CALD1: variants seen among roughly 807,000 people sequenced by gnomAD.
The protein encoded by CALD1 is caldesmon.
Under a neutral mutation model 99.9 loss-of-function variants are expected in CALD1, and 33 were observed. The observed-to-expected ratio is 0.33, with a 90% confidence interval of 0.25 to 0.44. CALD1 has a LOEUF of 0.44. Ranked by LOEUF, CALD1 falls within the 20% of genes least tolerant of loss-of-function variation. CALD1 has a pLI of 1.00. For missense variants in CALD1, 861 were observed against 962.1 expected (o/e 0.89, Z 1.39); for synonymous variants, 310 against 325.0 (o/e 0.95, Z 0.50).
chr7:134,813,272 G>A (rs1326955853), intron 1 of CALD1, among the ~76,000 whole-genome samples: 2 of 152,218 alleles, frequency 1.3e-5, no homozygotes, highest in African/African-American at 4.8e-5. Flanking sequence ...AAGAGGGGCA[G>A]AGGATTGGAA....
intron 1 of CALD1, among the ~76,000 whole-genome samples, chr7:134,788,170 A>C (rs1797379700): frequency 6.6e-6 from 1 of 152,220 alleles, no homozygotes; most frequent in Admixed American, 6.5e-5. Context: ...ATGAAGAGCC[A>C]AGATAATAAA....
intron 9 of CALD1, among the ~76,000 whole-genome samples, 156 bp from the exon 10 acceptor site, chr7:134,957,913 T>A (rs894004830): frequency 2.0e-5 from 3 of 152,146 alleles, no homozygotes; most frequent in Non-Finnish European, 4.4e-5. Flanking sequence ...TTATATGTAG[T>A]TTTGCTTTCT....
chr7:134,749,601 G>A (rs1354366964), intron 1 of CALD1, among the ~76,000 whole-genome samples: 2 of 152,012 alleles, frequency 1.3e-5, no homozygotes, highest in Non-Finnish European at 2.9e-5. Flanking sequence ...CAAAAAGAGC[G>A]AAAAAAAGCA....
At chr7:134,774,131 C>T (rs1796899342) in intron 1 of CALD1, among the ~76,000 whole-genome samples, 1 of 150,514 alleles carries the variant, frequency 6.6e-6, no homozygotes, top group Non-Finnish European at 1.5e-5. Context: ...CATGGTGCCA[C>T]TGCACTCCAG....
rs117624269 is a variant in CALD1, at chr7:134,838,818, G to A, written c.-129-5066G>A. On this transcript the variant is annotated intron_variant, in intron 1 of 14. Transcript: ENST00000361675. ...CTGGTACAATGTATGACAAGAGATA[G>A]TGAACTTTCCTGATTTTATATATTT... Among the ~76,000 whole-genome samples, 786 of 152,244 alleles carry A rather than the reference G, an allele frequency of 5.2e-3. 5 individuals are homozygous for A. The highest frequency in any genetic ancestry group is 7.7e-3 in the Non-Finnish European group (527 of 68,020).
At chr7:134,859,646 A>C (rs1800476469) in intron 2 of CALD1, among the ~76,000 whole-genome samples, 1 of 152,224 alleles carries the variant, frequency 6.6e-6, no homozygotes, top group African/African-American at 2.4e-5. Flanking sequence ...AAAGCTTTAT[A>C]TGTCTCAGTC....
rs1485231280 is a variant in CALD1, at chr7:134,930,449, T to C, written c.218+1549T>C. ...ATGTGGTTTTGGTTTTAGTTTGTTT[T>C]GTTTAATTCAGTCTATTTAGAAAAT... On this transcript the variant is annotated intron_variant, in intron 4 of 14. Transcript: ENST00000361675. Among the ~76,000 whole-genome samples, 9 of 152,200 alleles carry C rather than the reference T, an allele frequency of 5.9e-5. No individual in the cohort carries two copies. The South Asian group carries it at 1.9e-3, about 31-fold the overall frequency.
the CALD1 span, among the ~76,000 whole-genome samples, chr7:134,732,375 C>T: frequency 3.9e-5 from 6 of 152,172 alleles, no homozygotes; most frequent in African/African-American, 1.2e-4. Flanking sequence ...GAAACAATCA[C>T]CAATATGATA....
chr7:134,890,251 A>C (rs966728399), intron 3 of CALD1, among the ~76,000 whole-genome samples: 3 of 152,220 alleles, frequency 2.0e-5, no homozygotes, highest in Non-Finnish European at 4.4e-5. Flanking sequence ...GCAAGAAAAC[A>C]ACCAAAATGT....
chr7:134,873,733 C>G lies in CALD1; in HGVS notation c.71+5929C>G, dbSNP rs114743465. On this transcript the variant is annotated intron_variant, in intron 3 of 14. Coordinates refer to ENST00000361675, the MANE Select transcript of CALD1 (RefSeq NM_033138.4). ...TGCCACTTACTAACTATGGGATCTA[C>G]CAAATTATTCAATCTTTCAAATATT... 4.4e-3 allele frequency among the ~76,000 whole-genome samples: 674 copies of G among 152,214 alleles called. 3 individuals carry two copies. Among genetic ancestry groups the G allele is most frequent in the African/African-American group, 0.016 (651 of 41,526 alleles).
At chr7:134,836,106 C>T (rs1381458271) in intron 1 of CALD1, among the ~76,000 whole-genome samples, 2 of 145,918 alleles carry the variant, frequency 1.4e-5, no homozygotes, top group Non-Finnish European at 3.0e-5. Flanking sequence ...GATCGCGTCA[C>T]TGCACTCCGG....
At chr7:134,932,860 G>T in intron 4 of CALD1, 128 bp from the exon 5 acceptor site, 1 of 611,172 alleles carries the variant, frequency 1.6e-6, no homozygotes, top group East Asian at 2.8e-5. Context: ...AAATGGTAAC[G>T]TACTGGGGAT....
intron 3 of CALD1, among the ~76,000 whole-genome samples, chr7:134,920,088 ACTT>A (rs1328812824): frequency 6.6e-6 from 1 of 152,174 alleles, no homozygotes; most frequent in African/African-American, 2.4e-5. Flanking sequence ...GTTTCTATAA[ACTT>A]CTTTTAACTT....
chr7:134,914,141 A>G (rs925140038), intron 3 of CALD1, among the ~76,000 whole-genome samples: 3 of 152,212 alleles, frequency 2.0e-5, no homozygotes, highest in African/African-American at 4.8e-5. Flanking sequence ...AGTGGATTTC[A>G]GCTGGGCTCT....
chr7:134,797,873 T>G (rs1252248895), intron 1 of CALD1, among the ~76,000 whole-genome samples: 6 of 152,208 alleles, frequency 3.9e-5, no homozygotes, highest in African/African-American at 7.2e-5. Context: ...ATTACAGGCG[T>G]GAGCCACCAT....
At chr7:134,909,627 G>A (rs925644754) in intron 3 of CALD1, among the ~76,000 whole-genome samples, 3 of 152,168 alleles carry the variant, frequency 2.0e-5, no homozygotes, top group Non-Finnish European at 4.4e-5. Flanking sequence ...AAATTGCAGT[G>A]AGCCAAGATC....
chr7:134,856,972 T>C (rs1007249869), intron 2 of CALD1, among the ~76,000 whole-genome samples: 1 of 152,116 alleles, frequency 6.6e-6, no homozygotes, highest in Non-Finnish European at 1.5e-5. Flanking sequence ...GTTAAGAACT[T>C]TGAGGGATCA....
chr7:134,757,082 A>C (rs1342160237), intron 1 of CALD1, among the ~76,000 whole-genome samples: 1 of 148,096 alleles, frequency 6.8e-6, no homozygotes, highest in Non-Finnish European at 1.5e-5. Context: ...GAAAATTTTG[A>C]GTCAATTTAG....
At chr7:134,813,132 A>G (rs1041087090) in intron 1 of CALD1, among the ~76,000 whole-genome samples, 2 of 152,220 alleles carry the variant, frequency 1.3e-5, no homozygotes, top group African/African-American at 4.8e-5. Flanking sequence ...GGCAATGTAG[A>G]AATATTGATG....
Sources: allele counts gnomAD v4.1 joint callset (sites outside exome capture counted in the v4.1 genomes callset), GRCh38; gene constraint gnomAD v4.1.1; transcripts MANE v1.5; gene names NCBI Gene and HGNC (gene_info 2026-07-23, HGNC 2026-07-21).